Variants in SDK2 observed in about 807,000 individuals in gnomAD.
SDK2 encodes the protein protein sidekick-2.
SDK2 carries 105 observed loss-of-function variants against 253.9 expected under a neutral mutation model. The ratio of observed to expected loss-of-function variants is 0.41; its 90% CI spans 0.35 to 0.49. The LOEUF is 0.49. Ranked by LOEUF, SDK2 falls within the 20% of genes least tolerant of loss-of-function variation. The pLI is 0.06. For missense variants in SDK2, 2,608 were observed against 3,003.0 expected (o/e 0.87, Z 3.07); for synonymous variants, 1,249 against 1,234.9 (o/e 1.01, Z -0.24).
At position 73,528,245 on chromosome 17, in the gene SDK2, G is replaced by A. The variant is rs561284181; in HGVS notation, c.65-20648C>T. ...CAGAGAGACAGGGGAGAGTGAAGAG[G>A]TAGGGAGCCCGGCAGTCTTTGCTGA... is the stretch of plus-strand genomic sequence containing the variant. On this transcript the variant is annotated intron_variant, in intron 1 of 44. Coordinates refer to ENST00000392650, the MANE Select transcript of SDK2 (RefSeq NM_001144952.2). Among the ~76,000 whole-genome samples, 3 of 152,174 alleles carry A rather than the reference G, an allele frequency of 2.0e-5. 1 individual carries two copies. In the South Asian group the frequency reaches 6.2e-4, roughly 32 times the overall value.
chr17:73,472,808 A>T (rs1444781584), intron 2 of SDK2, among the ~76,000 whole-genome samples: 1 of 152,138 alleles, frequency 6.6e-6, no homozygotes, highest in African/African-American at 2.4e-5. Context: ...TCTTTCCATG[A>T]TGTTCTCGTG....
chr17:73,394,989 TG>T (rs1022546978), intron 25 of SDK2, among the ~76,000 whole-genome samples, 165 bp downstream of exon 25: 8 of 152,144 alleles, frequency 5.3e-5, no homozygotes, highest in Non-Finnish European at 1.2e-4. Flanking sequence ...TGGCAGGTGC[TG>T]GGAGAGGCGG....
chr17:73,466,609 A>G (rs1287741159), intron 3 of SDK2, among the ~76,000 whole-genome samples: 1 of 151,910 alleles, frequency 6.6e-6, no homozygotes, highest in East Asian at 1.9e-4. Context: ...TATGTTCCTC[A>G]AACGATTTGC....
In SDK2 at chr17:73,472,073, C is replaced by T. The variant is rs140162180; in HGVS notation, c.331+39G>A. ...GCTGGTGGGTGCCACTCTGGCACCACAGTCGCCCCCCCTGCCCCTGGGTCC... is the reference window on the plus strand; with the variant it reads ...GCTGGTGGGTGCCACTCTGGCACCATAGTCGCCCCCCCTGCCCCTGGGTCC... On this transcript the variant is annotated intron_variant, in intron 3 of 44. Transcript: ENST00000392650. 11 of 1,447,224 alleles carry T rather than the reference C, an allele frequency of 7.6e-6. No individual in the cohort carries two copies. The Middle Eastern group carries it at 5.3e-4, about 70-fold the overall frequency. 89.6% of individuals were successfully genotyped at this position (1,447,224 alleles called of 1,614,324 possible).
chr17:73,392,233 C>T (rs1320103713), intron 27 of SDK2, among the ~76,000 whole-genome samples: 9 of 150,446 alleles, frequency 6.0e-5, no homozygotes, highest in African/African-American at 1.2e-4. Flanking sequence ...TCTGTGTTGC[C>T]GCACTGCAGA....
At chr17:73,545,276 C>A (rs959314847) in intron 1 of SDK2, among the ~76,000 whole-genome samples, 1 of 152,136 alleles carries the variant, frequency 6.6e-6, no homozygotes, top group African/African-American at 2.4e-5. Context: ...CCTGCTTCTT[C>A]CCCAGCTGCC....
At chr17:73,569,645 A>AT (rs112413933) in intron 1 of SDK2, among the ~76,000 whole-genome samples, 36 of 148,848 alleles carry the variant, frequency 2.4e-4, no homozygotes, top group Non-Finnish European at 3.4e-4. Context: ...AGGCATTGGA[A>AT]TTTTTTTTTT....
intron 4 of SDK2, among the ~76,000 whole-genome samples, chr17:73,454,058 G>A (rs1209433933): frequency 1.3e-5 from 2 of 152,140 alleles, no homozygotes; most frequent in Non-Finnish European, 2.9e-5. Flanking sequence ...ATTGCCTACA[G>A]TACAGTAACA....
Position 73,346,445 on chromosome 17 carries a change from A to G in SDK2, c.6165+2154T>C, listed in dbSNP as rs186903930. Among the ~76,000 whole-genome samples, 434 of 151,646 alleles carry G rather than the reference A, an allele frequency of 2.9e-3. 1 individual carries two copies. The highest frequency in any genetic ancestry group is 0.01 in the African/African-American group (418 of 41,328). On this transcript the variant is annotated intron_variant, in intron 44 of 44. Transcript: ENST00000392650. ...GTACAAAACTTGGGCTCTTCTTTTG[A>G]AAATGAAGTTGCCGTCCAGCCAGGC...
At chr17:73,483,065 A>G (rs181063921) in intron 2 of SDK2, among the ~76,000 whole-genome samples, 32 of 152,130 alleles carry the variant, frequency 2.1e-4, no homozygotes, top group Admixed American at 1.9e-3. Context: ...ATGTGACCCC[A>G]TCCGTGCTCC....
chr17:73,393,242 CAAA>C (rs11443969), intron 27 of SDK2, among the ~76,000 whole-genome samples: 2 of 85,542 alleles, frequency 2.3e-5, no homozygotes, highest in African/African-American at 4.3e-5. Flanking sequence ...GATACTCTAT[CAAA>C]AAAAAAAAAA....
chr17:73,394,685 G>C (rs564419793), intron 25 of SDK2, among the ~76,000 whole-genome samples: 1 of 152,340 alleles, frequency 6.6e-6, no homozygotes, highest in Non-Finnish European at 1.5e-5. Flanking sequence ...CCACAGAGCA[G>C]TGAACCATGT....
chr17:73,423,692 C>T (rs1356702510), intron 13 of SDK2, among the ~76,000 whole-genome samples, 170 bp from the exon 14 acceptor site: 1 of 152,200 alleles, frequency 6.6e-6, no homozygotes, highest in Admixed American at 6.5e-5. Context: ...GGAACCAGAG[C>T]CCTCCTGCTA....
intron 1 of SDK2, among the ~76,000 whole-genome samples, chr17:73,529,175 G>A (rs577601004): frequency 4.6e-5 from 7 of 152,268 alleles, no homozygotes; most frequent in Admixed American, 6.5e-5. Flanking sequence ...AGGTGGTTTC[G>A]TCTGTAATGA....
At chr17:73,417,139 C>G (rs561299137) in intron 16 of SDK2, among the ~76,000 whole-genome samples, 1 of 151,408 alleles carries the variant, frequency 6.6e-6, no homozygotes, top group African/African-American at 2.4e-5. Context: ...CATGGTGGCT[C>G]GTACCTATAA....
At chr17:73,544,702 A>G (rs1347052804) in intron 1 of SDK2, among the ~76,000 whole-genome samples, 1 of 152,226 alleles carries the variant, frequency 6.6e-6, no homozygotes, top group African/African-American at 2.4e-5. Context: ...GAATCACCTC[A>G]GAAAGCATCT....
chr17:73,471,657 G>A (rs957968904), intron 3 of SDK2, among the ~76,000 whole-genome samples: 1 of 152,132 alleles, frequency 6.6e-6, no homozygotes, highest in Non-Finnish European at 1.5e-5. Context: ...GCTGAGAAGA[G>A]GGTTGTAGCT....
chr17:73,549,947 T>C (rs977129538), intron 1 of SDK2, among the ~76,000 whole-genome samples: 2 of 152,022 alleles, frequency 1.3e-5, no homozygotes, highest in Non-Finnish European at 2.9e-5. Flanking sequence ...GACCAGAATC[T>C]GGAATGAGAC....
chr17:73,414,815 C>A, intron 17 of SDK2, 56 bp from the exon 18 acceptor site: 2 of 1,143,102 alleles, frequency 1.7e-6, no homozygotes, highest in South Asian at 1.2e-5. Flanking sequence ...GTCTCTCTTG[C>A]CCAGTTCAGT....
Sources: gnomAD v4.1 joint callset for allele counts (sites outside exome capture counted in the v4.1 genomes callset) on GRCh38, gnomAD v4.1.1 for gene constraint, MANE v1.5 for transcripts, NCBI Gene and HGNC (gene_info 2026-07-23, HGNC 2026-07-21) for gene names.